The following ARMH3 variants were observed in gnomAD, a reference collection of about 807,000 sequenced individuals.
ARMH3 encodes armadillo-like helical domain-containing protein 3.
ARMH3 carries 60 observed loss-of-function variants against 99.1 expected under a neutral mutation model. The ratio of observed to expected loss-of-function variants is 0.61; its 90% CI spans 0.49 to 0.75. The LOEUF is 0.75. Among genes scored for constraint, ARMH3 ranks in the 30% least tolerant of loss-of-function variants. The pLI, the probability that ARMH3 is intolerant of heterozygous loss-of-function variation, is 0.00. For missense variants in ARMH3, 679 were observed against 843.1 expected, an observed-to-expected ratio of 0.81 and a Z score of 2.41; for synonymous variants, 285 against 292.8, an observed-to-expected ratio of 0.97 and a Z score of 0.27.
At chr10:101,883,533 A>G (rs1479765387) in intron 24 of ARMH3, among the ~76,000 whole-genome samples, 1 of 152,166 alleles carries the variant, frequency 6.6e-6, no homozygotes, top group East Asian at 1.9e-4. Context: ...TACTTCTGTG[A>G]AGGTAGTAGC....
intron 11 of ARMH3, among the ~76,000 whole-genome samples, chr10:102,011,415 C>T (rs1236427654): frequency 6.6e-6 from 1 of 151,890 alleles, no homozygotes; most frequent in East Asian, 1.9e-4. Flanking sequence ...TTTCTTTAGC[C>T]TTTAAAAAAT....
At chr10:102,044,106 T>C (rs1242481125) in intron 1 of ARMH3, among the ~76,000 whole-genome samples, 1 of 147,652 alleles carries the variant, frequency 6.8e-6, no homozygotes, top group Non-Finnish European at 1.5e-5. Flanking sequence ...TTTTTTTTTT[T>C]TTTTGGAGAC....
intron 24 of ARMH3, among the ~76,000 whole-genome samples, chr10:101,861,223 T>C (rs905240586): frequency 2.0e-5 from 3 of 152,098 alleles, no homozygotes; most frequent in African/African-American, 4.8e-5. Context: ...ACATTATGTA[T>C]AGAGGAACAA....
At position 102,013,963 on chromosome 10, in the gene ARMH3, C is replaced by T. The variant is rs772558085; in HGVS notation, c.726+5G>A. ...AAGACAATACACAAGGATCCAGATA[C>T]TCACATTGAGTGTGGCCTCATCATC... On this transcript the variant is annotated splice_donor_5th_base_variant and intron_variant, in intron 9 of 25. Transcript: ENST00000370033. The T allele has an allele frequency of 2.5e-6, 4 of 1,598,802 alleles. No homozygotes were observed. Among genetic ancestry groups the T allele is most frequent in the Non-Finnish European group, 8.5e-7 (1 of 1,170,168 alleles).
chr10:102,035,602 C>T (rs2067236350), intron 2 of ARMH3, among the ~76,000 whole-genome samples: 1 of 152,232 alleles, frequency 6.6e-6, no homozygotes, highest in South Asian at 2.1e-4. Flanking sequence ...GACGGGGTTT[C>T]GCTGTGTTGG....
In ARMH3 at chr10:101,995,282, G is replaced by A. The variant is rs1346236258; in HGVS notation, c.1209+15C>T. 1 of 1,609,866 alleles carries A rather than the reference G, an allele frequency of 6.2e-7. No homozygotes were observed. Among genetic ancestry groups the A allele is most frequent in the East Asian group, 2.2e-5 (1 of 44,856 alleles). ...GTAAAAGACTGCCTAATAGCAGAAG[G>A]CTCGTGAGACCTACCTCTGCAATAC... On this transcript the variant is annotated intron_variant, in intron 16 of 25. Coordinates refer to ENST00000370033, the MANE Select transcript of ARMH3 (RefSeq NM_024541.3).
intron 24 of ARMH3, among the ~76,000 whole-genome samples, chr10:101,885,630 TG>T (rs956715781): frequency 1.3e-5 from 2 of 151,886 alleles, no homozygotes; most frequent in African/African-American, 4.8e-5. Flanking sequence ...GTAGGGGAAA[TG>T]GGGAGTAACT....
intron 24 of ARMH3, among the ~76,000 whole-genome samples, chr10:101,881,285 A>C (rs1366968049): frequency 6.6e-6 from 1 of 152,090 alleles, no homozygotes; most frequent in Non-Finnish European, 1.5e-5. Flanking sequence ...CTTCCCAGAA[A>C]ATTTCTAAAT....
At chr10:101,993,635 G>C (rs542681776) in intron 16 of ARMH3, 32 bp from the exon 17 acceptor site, 1 of 1,423,486 alleles carries the variant, frequency 7.0e-7, no homozygotes, top group Non-Finnish European at 9.7e-7. Context: ...AGTAAGAAGC[G>C]AGAGCTATAT....
At chr10:102,023,635 G>C (rs1439396436) in intron 7 of ARMH3, 40 bp downstream of exon 7, 1 of 1,609,696 alleles carries the variant, frequency 6.2e-7, no homozygotes, top group African/African-American at 1.3e-5. Context: ...AATTTGAAGA[G>C]GTGGTTTACC....
At chr10:101,983,422 C>T (rs1296247084) in intron 19 of ARMH3, among the ~76,000 whole-genome samples, 1 of 152,318 alleles carries the variant, frequency 6.6e-6, no homozygotes, top group South Asian at 2.1e-4. Context: ...GCTGGGACTA[C>T]AAGCACACAC....
At chr10:101,918,040 TTTTGTTTG>T (rs746206169) in intron 23 of ARMH3, among the ~76,000 whole-genome samples, 1 of 152,076 alleles carries the variant, frequency 6.6e-6, no homozygotes, top group Non-Finnish European at 1.5e-5. Flanking sequence ...TCATGGGGTT[TTTTGTTTG>T]TTTGTTTGTT....
intron 20 of ARMH3, among the ~76,000 whole-genome samples, chr10:101,962,416 T>TA (rs1485954440): frequency 2.6e-5 from 4 of 151,964 alleles, no homozygotes; most frequent in South Asian, 2.1e-4. Flanking sequence ...TTTTTTTTTT[T>TA]ACCCTCTATC....
chr10:101,902,550 C>T lies in ARMH3; in HGVS notation c.1782-13060G>A, dbSNP rs141411934. 1.2e-4 allele frequency among the ~76,000 whole-genome samples: 18 copies of T among 152,184 alleles called. No homozygotes were observed. The East Asian group carries it at 3.5e-3, about 30-fold the overall frequency. ...TGTTGGAGGTCTCACAGCAGATGCA[C>T]GCACAGGCACTCATACGTGCGCACT... is the stretch of plus-strand genomic sequence containing the variant. On this transcript the variant is annotated intron_variant, in intron 23 of 25. Transcript: ENST00000370033.
chr10:102,007,216 G>A (rs1001143165), intron 13 of ARMH3, among the ~76,000 whole-genome samples: 26 of 142,996 alleles, frequency 1.8e-4, no homozygotes, highest in Non-Finnish European at 3.6e-4. Context: ...TCTGTATTTC[G>A]TTCTCATGAG....
At chr10:101,870,803 G>A (rs190352933) in intron 24 of ARMH3, among the ~76,000 whole-genome samples, 133 of 152,242 alleles carry the variant, frequency 8.7e-4, no homozygotes, top group Non-Finnish European at 4.4e-4. Context: ...AACTTTGGGA[G>A]GCCTGGTAGC....
At chr10:101,857,351 G>A (rs1416146402) in intron 24 of ARMH3, among the ~76,000 whole-genome samples, 12 of 152,112 alleles carry the variant, frequency 7.9e-5, no homozygotes, top group South Asian at 2.1e-4. Flanking sequence ...CCAGCTACTC[G>A]GGAAGCTGAG....
chr10:102,035,185 G>A (rs2067222589), intron 2 of ARMH3, among the ~76,000 whole-genome samples: 1 of 152,012 alleles, frequency 6.6e-6, no homozygotes, highest in Admixed American at 6.6e-5. Context: ...GGCCATCCTG[G>A]CTAACACAGT....
At chr10:101,866,486 AAAAAAAAAAAAAG>A (rs978973643) in intron 24 of ARMH3, among the ~76,000 whole-genome samples, 4 of 150,972 alleles carry the variant, frequency 2.6e-5, no homozygotes, top group African/African-American at 9.7e-5. Context: ...CAAGTGTAAA[AAAAAAAAAAAAAG>A]AAAAGAAAAG....
Sources: allele counts gnomAD v4.1 joint callset (sites outside exome capture counted in the v4.1 genomes callset), GRCh38; gene constraint gnomAD v4.1.1; transcripts MANE v1.5; gene names NCBI Gene and HGNC (gene_info 2026-07-23, HGNC 2026-07-21).